The following VPS53 variants were observed in gnomAD, a reference collection of about 807,000 sequenced individuals.
VPS53 encodes the protein vacuolar protein sorting-associated protein 53 homolog.
A neutral mutation model predicts 107.0 loss-of-function variants in VPS53; 70 were observed. The observed-to-expected ratio is 0.65, with a 90% CI of 0.54 to 0.80. VPS53 has a LOEUF of 0.80. VPS53 is among the 30% of genes least tolerant of loss of function. The probability of loss-of-function intolerance (pLI) is 0.00; values close to 1 mark genes in which losing one functional copy is unlikely to be tolerated. For missense variants in VPS53, 917 were observed against 1,049.4 expected (o/e 0.87, Z 1.74); for synonymous variants, 409 against 393.3 (o/e 1.04, Z -0.47).
chr17:529,462 A>G (rs1457619022), intron 19 of VPS53, among the ~76,000 whole-genome samples: 1 of 152,206 alleles, frequency 6.6e-6, no homozygotes, highest in Admixed American at 6.5e-5. Context: ...ATAAATTGAT[A>G]CAGTAATTAG....
At position 519,371 on chromosome 17, in the gene VPS53, T is replaced by G; in HGVS notation, c.2329-73A>C. The G allele has an allele frequency of 7.2e-7, 1 of 1,393,576 alleles. No homozygotes were observed. The highest frequency in any genetic ancestry group is 9.4e-7 in the Non-Finnish European group (1 of 1,060,680). 86.3% of individuals were successfully genotyped at this position (1,393,576 alleles called of 1,614,324 possible). A position where few individuals can be genotyped will look rare whatever the true frequency, so the allele number is the denominator to read the frequency against. Reference sequence around the variant, plus strand: ...GGCCCACGGGGGACAGCGCAGTATCTGGATATGGGGTCAGCAGAGGCTCTG... The same window carrying G: ...GGCCCACGGGGGACAGCGCAGTATCGGGATATGGGGTCAGCAGAGGCTCTG... On this transcript the variant is annotated intron_variant, in intron 21 of 21. Coordinates refer to ENST00000437048, the MANE Select transcript of VPS53 (RefSeq NM_001128159.3). This position sits in a 1 kb window ranked among gnomAD's most constrained non-coding sequence, Gnocchi z 5.0.
intron 4 of VPS53, chr17:685,203 C>G (rs1003121829): frequency 1.3e-5 from 2 of 152,134 alleles, no homozygotes; most frequent in Non-Finnish European, 2.9e-5. Context: ...GTTCCAAGAG[C>G]CTGGGTCTGG....
intron 13 of VPS53, among the ~76,000 whole-genome samples, chr17:573,791 C>G (rs1246675065): frequency 6.6e-6 from 1 of 152,204 alleles, no homozygotes; most frequent in Non-Finnish European, 1.5e-5. Flanking sequence ...ACGCTCTTTC[C>G]ACCACACTGT....
At chr17:561,627 T>C (rs989283043) in intron 14 of VPS53, among the ~76,000 whole-genome samples, 1 of 152,098 alleles carries the variant, frequency 6.6e-6, no homozygotes, top group Non-Finnish European at 1.5e-5. Flanking sequence ...CATAATTTAT[T>C]TATTTATTTA....
At chr17:623,822 C>G in intron 10 of VPS53, 148 bp from the exon 11 acceptor site, 1 of 841,466 alleles carries the variant, frequency 1.2e-6, no homozygotes, top group Non-Finnish European at 1.7e-6. Flanking sequence ...TAGTCTAAAA[C>G]CTGGGGAATA....
chr17:587,582 A>G (rs753581683), intron 12 of VPS53, among the ~76,000 whole-genome samples: 2 of 152,282 alleles, frequency 1.3e-5, no homozygotes, highest in Admixed American at 6.5e-5. Context: ...GCCACTGATA[A>G]AGAAGTCATA....
chr17:656,472 C>T (rs1971191101), intron 5 of VPS53, among the ~76,000 whole-genome samples: 1 of 152,110 alleles, frequency 6.6e-6, no homozygotes, highest in Admixed American at 6.5e-5. Context: ...ATGTAAGTTA[C>T]TAGGAGGGCA....
intron 17 of VPS53, among the ~76,000 whole-genome samples, chr17:540,872 C>T (rs1483125988): frequency 6.6e-6 from 1 of 152,166 alleles, no homozygotes; most frequent in Non-Finnish European, 1.5e-5. Flanking sequence ...CTCTGACTGA[C>T]GCTCCACAGT....
chr17:670,834 C>A (rs989629541), intron 4 of VPS53, among the ~76,000 whole-genome samples: 1 of 152,154 alleles, frequency 6.6e-6, no homozygotes, highest in African/African-American at 2.4e-5. Context: ...TGCTATTATT[C>A]ACGGTTACTG....
chr17:709,467 C>T (rs1021524142), intron 2 of VPS53, among the ~76,000 whole-genome samples: 7 of 152,206 alleles, frequency 4.6e-5, no homozygotes, highest in Non-Finnish European at 1.0e-4. Flanking sequence ...GCTCGGCAGA[C>T]AGGCTACCTC....
intron 4 of VPS53, among the ~76,000 whole-genome samples, chr17:669,524 C>T (rs1440432193): frequency 3.3e-5 from 5 of 149,526 alleles, no homozygotes; most frequent in South Asian, 4.3e-4. Flanking sequence ...GCCCAGGAGG[C>T]GGAGGCTGCA....
intron 17 of VPS53, among the ~76,000 whole-genome samples, chr17:551,210 A>T (rs944305029): frequency 2.6e-5 from 4 of 152,194 alleles, no homozygotes; most frequent in African/African-American, 4.8e-5. Context: ...AAAAAGGCAT[A>T]GGCACATAAA....
chr17:640,619 G>A (rs539919727), intron 7 of VPS53, among the ~76,000 whole-genome samples: 1 of 151,828 alleles, frequency 6.6e-6, no homozygotes, highest in East Asian at 1.9e-4. Context: ...CTAGTGAGCC[G>A]CATAATCACA....
At chr17:678,290 C>T (rs1230605521) in intron 4 of VPS53, among the ~76,000 whole-genome samples, 1 of 151,434 alleles carries the variant, frequency 6.6e-6, no homozygotes, top group East Asian at 2.0e-4. Context: ...GACATGGTGG[C>T]GGGCACCTGT....
intron 2 of VPS53, among the ~76,000 whole-genome samples, chr17:705,346 G>A (rs575319665): frequency 2.3e-4 from 35 of 151,786 alleles, no homozygotes; most frequent in African/African-American, 7.0e-4. Flanking sequence ...CCCAGCACTC[G>A]GAGAGGCTGA....
chr17:594,280 C>T (rs1286729095), intron 12 of VPS53, among the ~76,000 whole-genome samples: 1 of 152,200 alleles, frequency 6.6e-6, no homozygotes, highest in Non-Finnish European at 1.5e-5. Flanking sequence ...AACTAACCTG[C>T]ACATTGTGCA....
chr17:608,719 G>A (rs1351459987), intron 11 of VPS53, among the ~76,000 whole-genome samples: 4 of 150,732 alleles, frequency 2.7e-5, no homozygotes, highest in African/African-American at 9.8e-5. Context: ...GGACTTAGGT[G>A]ACCCTTGCAC....
intron 4 of VPS53, among the ~76,000 whole-genome samples, chr17:663,109 G>A (rs926087762): frequency 2.0e-5 from 3 of 151,906 alleles, no homozygotes; most frequent in Non-Finnish European, 2.9e-5. Flanking sequence ...AGGCTGAGGT[G>A]GGAAGATTAC....
chr17:708,144 T>C (rs191252539), intron 2 of VPS53, among the ~76,000 whole-genome samples: 4 of 152,146 alleles, frequency 2.6e-5, no homozygotes, highest in African/African-American at 7.2e-5. Context: ...TAAGAAGTAG[T>C]AGGAAAGACA....
Sources: gnomAD v4.1 joint callset for allele counts (sites outside exome capture counted in the v4.1 genomes callset) on GRCh38, gnomAD v4.1.1 for gene constraint, Gnocchi (gnomAD v3.1) non-coding constraint, MANE v1.5 for transcripts, NCBI Gene and HGNC (gene_info 2026-07-23, HGNC 2026-07-21) for gene names.